The following TRPM2 variants were observed in gnomAD, a reference collection of about 807,000 sequenced individuals.
TRPM2 encodes estrogen-responsive element-associated gene 1 protein.
TRPM2 carries 161 observed loss-of-function variants against 174.0 expected under a neutral mutation model. The observed-to-expected ratio is 0.93, with a 90% CI of 0.81 to 1.05. The LOEUF is 1.05. Ranked by LOEUF, TRPM2 falls within the 50% of genes least tolerant of loss-of-function variation. The pLI is 0.00. For missense variants in TRPM2, 2,057 were observed against 2,038.0 expected (o/e 1.01, Z -0.18); for synonymous variants, 954 against 861.3 (o/e 1.11, Z -1.88).
intron 5 of TRPM2, among the ~76,000 whole-genome samples, chr21:44,370,149 G>A (rs1236417346): frequency 6.6e-6 from 1 of 152,132 alleles, no homozygotes; most frequent in Non-Finnish European, 1.5e-5. Context: ...AGGGGTCCAC[G>A]TGACAGTCAC....
At chr21:44,405,438 T>C (rs1423077256) in intron 17 of TRPM2, among the ~76,000 whole-genome samples, 178 bp downstream of exon 17, 1 of 152,098 alleles carries the variant, frequency 6.6e-6, no homozygotes, top group African/African-American at 2.4e-5. Flanking sequence ...CTTGGGATTG[T>C]TGAGGGAGCA....
intron 8 of TRPM2, among the ~76,000 whole-genome samples, chr21:44,381,718 C>T (rs954872513): frequency 6.6e-6 from 1 of 151,890 alleles, no homozygotes; most frequent in Admixed American, 6.6e-5. Flanking sequence ...ACCAGCCTGG[C>T]CAACATGGTG....
chr21:44,415,117 C>T (rs779500471), intron 20 of TRPM2: 2 of 152,272 alleles, frequency 1.3e-5, no homozygotes, highest in Admixed American at 6.5e-5. Flanking sequence ...TCTGCCCTCC[C>T]GTGCCATTGG....
chr21:44,416,736 T>C (rs565464182), intron 20 of TRPM2: 16 of 212,408 alleles, frequency 7.5e-5, no homozygotes, highest in Non-Finnish European at 1.4e-4. Flanking sequence ...GTGGCTCTGC[T>C]CTCTGTGGCA....
intron 26 of TRPM2, 23 bp downstream of exon 26, chr21:44,426,759 G>A (rs1401008341): frequency 2.5e-6 from 4 of 1,612,810 alleles, no homozygotes; most frequent in Admixed American, 3.3e-5. Context: ...CGCTGTCCGT[G>A]CTCCCAGCTG....
At position 44,437,181 on chromosome 21, in the gene TRPM2, G is replaced by A. The variant is rs554604532; in HGVS notation, c.4167+14G>A. On this transcript the variant is annotated intron_variant, in intron 29 of 31. Coordinates refer to ENST00000397928, the MANE Select transcript of TRPM2 (RefSeq NM_003307.4). ...GCCCTGCCTGGGGTAAGGCTGCCGC[G>A]TGTGGGACCTCTGTCCACTGGGCTG... is the stretch of plus-strand genomic sequence containing the variant. 15 of 1,548,428 alleles carry A rather than the reference G, an allele frequency of 9.7e-6. No individual in the cohort carries two copies. The highest frequency in any genetic ancestry group is 4.8e-5 in the South Asian group (4 of 83,998).
At chr21:44,381,881 TGG>T (rs1420315953) in intron 8 of TRPM2, among the ~76,000 whole-genome samples, 2 of 145,108 alleles carry the variant, frequency 1.4e-5, no homozygotes, top group African/African-American at 5.2e-5. Context: ...CACTCCAGCC[TGG>T]GTGGCAGAGC....
intron 20 of TRPM2, 109 bp from the exon 21 acceptor site, chr21:44,417,818 G>A: frequency 8.7e-7 from 1 of 1,152,310 alleles, no homozygotes. Flanking sequence ...GTGGGCATGT[G>A]GGCGTGGCTC....
At chr21:44,405,363 C>G in intron 17 of TRPM2, 103 bp downstream of exon 17, 1 of 1,523,504 alleles carries the variant, frequency 6.6e-7, no homozygotes, top group Non-Finnish European at 8.9e-7. Flanking sequence ...TGAGGCTCAG[C>G]TCGTCTGTGA....
At chr21:44,351,687 C>T (rs538589537), upstream of TRPM2, among the ~76,000 whole-genome samples, 1 of 152,202 alleles carries the variant, frequency 6.6e-6, no homozygotes, top group African/African-American at 2.4e-5. Flanking sequence ...GTTCTGCACC[C>T]CTGGGCTGAG....
intron 20 of TRPM2, chr21:44,415,911 A>G (rs2050262901): frequency 6.6e-6 from 1 of 152,052 alleles, no homozygotes; most frequent in African/African-American, 2.4e-5. Flanking sequence ...AACAAATTAA[A>G]TGCTGAGGAC....
intron 16 of TRPM2, among the ~76,000 whole-genome samples, chr21:44,403,944 A>T (rs2049743291): frequency 1.2e-5 from 1 of 86,756 alleles, no homozygotes; most frequent in Admixed American, 1.3e-4. Flanking sequence ...ATATACACAT[A>T]CACATATGCA....
chr21:44,378,605 C>T (rs977634413), intron 7 of TRPM2, among the ~76,000 whole-genome samples: 3 of 152,206 alleles, frequency 2.0e-5, no homozygotes, highest in East Asian at 1.9e-4. Flanking sequence ...AGTCCCTTCC[C>T]GAAGTCCAGC....
At chr21:44,369,367 G>A (rs201833204) in intron 5 of TRPM2, 24 bp downstream of exon 5, 44 of 1,592,500 alleles carry the variant, frequency 2.8e-5, no homozygotes, top group Non-Finnish European at 3.4e-5. Context: ...CCTAGGGAGG[G>A]GAGCCTAAGA....
chr21:44,371,558 C>T (rs2048543328), intron 5 of TRPM2, among the ~76,000 whole-genome samples: 1 of 152,150 alleles, frequency 6.6e-6, no homozygotes, highest in African/African-American at 2.4e-5. Context: ...GTCCCGTGGC[C>T]TTCTCTGTGT....
chr21:44,426,199 A>G (rs1208109063), intron 25 of TRPM2, among the ~76,000 whole-genome samples: 3 of 139,194 alleles, frequency 2.2e-5, no homozygotes, highest in African/African-American at 8.1e-5. Context: ...TCCAGGTGCC[A>G]GGCATGGAAG....
intron 1 of TRPM2, 82 bp downstream of exon 1, chr21:44,353,947 C>A: frequency 1.3e-6 from 2 of 1,494,578 alleles, no homozygotes; most frequent in South Asian, 1.3e-5. Flanking sequence ...GAGGCTGTGA[C>A]GACGGGGGTG....
chr21:44,401,241 G>A (rs372475074), intron 15 of TRPM2, among the ~76,000 whole-genome samples: 1 of 152,178 alleles, frequency 6.6e-6, no homozygotes, highest in South Asian at 2.1e-4. Flanking sequence ...GGGGAGTGTG[G>A]TCAGCCCCAC....
At chr21:44,369,000 A>T in intron 4 of TRPM2, 177 bp from the exon 5 acceptor site, 1 of 588,122 alleles carries the variant, frequency 1.7e-6, no homozygotes, top group Non-Finnish European at 2.8e-6. Context: ...ACCCCACCTG[A>T]GCGCGTGGGA....
Sources: gnomAD v4.1 joint callset for allele counts (sites outside exome capture counted in the v4.1 genomes callset) on GRCh38, gnomAD v4.1.1 for gene constraint, MANE v1.5 for transcripts, NCBI Gene and HGNC (gene_info 2026-07-23, HGNC 2026-07-21) for gene names.